CDH18: variants seen among roughly 807,000 people sequenced by gnomAD.
CDH18 encodes the protein cadherin 18.
In CDH18, 31 loss-of-function variants were observed where a neutral mutation model predicts 67.9. The ratio of observed to expected loss-of-function variants is 0.46; its 90% CI spans 0.34 to 0.62. CDH18 has a LOEUF of 0.62. Ranked by LOEUF, CDH18 falls within the 20% of genes least tolerant of loss-of-function variation. The pLI is 0.01. For missense variants in CDH18, 890 were observed against 975.5 expected (o/e 0.91, Z 1.17); for synonymous variants, 362 against 347.2 (o/e 1.04, Z -0.48).
chr5:19,519,180 A>T (rs1388963503), intron 10 of CDH18, among the ~76,000 whole-genome samples: 1 of 152,142 alleles, frequency 6.6e-6, no homozygotes, highest in African/African-American at 2.4e-5. Flanking sequence ...GCCCTTTTAA[A>T]TGTATTATGT....
chr5:19,475,358 A>C (rs1461571501), intron 12 of CDH18, among the ~76,000 whole-genome samples: 2 of 152,066 alleles, frequency 1.3e-5, no homozygotes, highest in East Asian at 3.9e-4. Flanking sequence ...TGCTCAGAAC[A>C]CATTAGCCTA....
chr5:20,322,983 A>G (rs1561970454), intron 1 of CDH18, among the ~76,000 whole-genome samples: 1 of 152,158 alleles, frequency 6.6e-6, no homozygotes, highest in Admixed American at 6.5e-5. Context: ...TTGGTGCAAC[A>G]AAGAATATGG....
chr5:19,524,697 G>A (rs945519133), intron 9 of CDH18, among the ~76,000 whole-genome samples: 1 of 152,076 alleles, frequency 6.6e-6, no homozygotes, highest in African/African-American at 2.4e-5. Flanking sequence ...AATTTTGTAA[G>A]CTCTAGTCAT....
intron 1 of CDH18, among the ~76,000 whole-genome samples, chr5:20,266,941 A>G (rs1264838380): frequency 1.3e-5 from 2 of 152,138 alleles, no homozygotes; most frequent in East Asian, 3.9e-4. Context: ...TAATATGTTC[A>G]TTTTGGGGCA....
At chr5:19,477,828 G>GA (rs1738746622) in intron 12 of CDH18, among the ~76,000 whole-genome samples, 1 of 151,944 alleles carries the variant, frequency 6.6e-6, no homozygotes, top group Non-Finnish European at 1.5e-5. Flanking sequence ...AAAAGATATA[G>GA]AACTTGTTTT....
chr5:20,462,598 A>AT (rs1270933075), intron 1 of CDH18, among the ~76,000 whole-genome samples: 2 of 152,186 alleles, frequency 1.3e-5, no homozygotes, highest in Admixed American at 1.3e-4. Flanking sequence ...TCAAACTATC[A>AT]TTTTTTATCC....
intron 1 of CDH18, among the ~76,000 whole-genome samples, chr5:20,450,539 C>A (rs988021789): frequency 4.0e-5 from 6 of 151,734 alleles, no homozygotes; most frequent in Non-Finnish European, 7.4e-5. Context: ...AAAAGAAAAC[C>A]AAATAACTCA....
chr5:20,547,471 G>A (rs905995529), intron 1 of CDH18, among the ~76,000 whole-genome samples: 4 of 151,428 alleles, frequency 2.6e-5, no homozygotes, highest in African/African-American at 9.7e-5. Context: ...TGAGGCAGGA[G>A]AATCATTTGA....
chr5:19,847,528 T>A (rs954352888), intron 2 of CDH18, among the ~76,000 whole-genome samples: 2 of 152,146 alleles, frequency 1.3e-5, no homozygotes, highest in Non-Finnish European at 2.9e-5. Context: ...TCTTGACATT[T>A]TTAAGATGGT....
intron 9 of CDH18, among the ~76,000 whole-genome samples, chr5:19,522,228 A>G (rs1424435533): frequency 6.6e-6 from 1 of 152,164 alleles, no homozygotes; most frequent in African/African-American, 2.4e-5. Flanking sequence ...AATAAAATGC[A>G]ATATTCATAT....
chr5:19,540,699 C>T (rs1295023667), intron 9 of CDH18, among the ~76,000 whole-genome samples: 1 of 152,150 alleles, frequency 6.6e-6, no homozygotes, highest in African/African-American at 2.4e-5. Context: ...ACTGCCCAAG[C>T]TATACCTTGG....
intron 2 of CDH18, among the ~76,000 whole-genome samples, chr5:20,036,708 T>C (rs180937815): frequency 4.8e-4 from 73 of 152,240 alleles, no homozygotes; most frequent in African/African-American, 1.7e-3. Context: ...ATATTGACAG[T>C]GGAGTGTTAA....
At chr5:19,882,608 GA>G (rs1368979257) in intron 2 of CDH18, among the ~76,000 whole-genome samples, 2 of 152,038 alleles carry the variant, frequency 1.3e-5, no homozygotes, top group East Asian at 1.9e-4. Context: ...TTTAGTTTCA[GA>G]AAAGTTTTGT....
chr5:20,085,025 G>T (rs1470442347), intron 2 of CDH18, among the ~76,000 whole-genome samples: 1 of 152,182 alleles, frequency 6.6e-6, no homozygotes, highest in East Asian at 1.9e-4. Context: ...CAGCTGGCTT[G>T]AGTTTCTCCT....
chr5:19,674,294 C>T (rs1279069147), intron 5 of CDH18, among the ~76,000 whole-genome samples: 7 of 151,772 alleles, frequency 4.6e-5, no homozygotes, highest in African/African-American at 7.3e-5. Flanking sequence ...AAAAAATTTG[C>T]AAAAATTTAT....
Position 19,477,193 on chromosome 5 carries a change from A to G in CDH18, c.1883-3477T>C, listed in dbSNP as rs763461993. On this transcript the variant is annotated intron_variant, in intron 12 of 12. Transcript: ENST00000382275. ...AAAATCTGAGACATTTTTGAGTGAAAGGGGATGTTGTTCATAATTATGTCA... is the reference window on the plus strand; with the variant it reads ...AAAATCTGAGACATTTTTGAGTGAAGGGGGATGTTGTTCATAATTATGTCA... Among the ~76,000 whole-genome samples, 73 of 150,578 alleles carry G rather than the reference A, an allele frequency of 4.8e-4. 1 individual carries two copies. The highest frequency in any genetic ancestry group is 9.9e-4 in the Non-Finnish European group (67 of 67,642).
chr5:19,881,996 T>C (rs1280897360), intron 2 of CDH18, among the ~76,000 whole-genome samples: 2 of 152,132 alleles, frequency 1.3e-5, no homozygotes, highest in Non-Finnish European at 2.9e-5. Flanking sequence ...TTGTAATGTA[T>C]TTTGAAAATC....
intron 1 of CDH18, among the ~76,000 whole-genome samples, chr5:20,490,169 C>T (rs981311550): frequency 6.6e-6 from 1 of 151,804 alleles, no homozygotes; most frequent in Non-Finnish European, 1.5e-5. Context: ...TAAATAATAG[C>T]TTGTACTCCC....
intron 2 of CDH18, among the ~76,000 whole-genome samples, chr5:20,224,133 C>T (rs1419224465): frequency 6.6e-6 from 1 of 152,000 alleles, no homozygotes; most frequent in Middle Eastern, 3.2e-3. Context: ...TTAACTTGGC[C>T]CTTATGACTT....
Sources: allele counts gnomAD v4.1 joint callset (sites outside exome capture counted in the v4.1 genomes callset), GRCh38; gene constraint gnomAD v4.1.1; transcripts MANE v1.5; gene names NCBI Gene and HGNC (gene_info 2026-07-23, HGNC 2026-07-21).